PRPSAP1: variants seen among roughly 807,000 people sequenced by gnomAD.
The protein encoded by PRPSAP1 is phosphoribosyl pyrophosphate synthase-associated protein 1.
In PRPSAP1, 31 loss-of-function variants were observed where a neutral mutation model predicts 39.4. The observed-to-expected ratio is 0.79, with a 90% confidence interval of 0.59 to 1.06. The LOEUF (loss-of-function observed/expected upper bound fraction) is 1.06. PRPSAP1 is among the 50% of genes least tolerant of loss of function. PRPSAP1 has a pLI of 0.00. For missense variants in PRPSAP1, 430 were observed against 511.6 expected, an observed-to-expected ratio of 0.84 and a Z score of 1.54; for synonymous variants, 212 against 192.6, an observed-to-expected ratio of 1.10 and a Z score of -0.83.
At chr17:76,334,624 T>TA (rs1055190597) in intron 3 of PRPSAP1, among the ~76,000 whole-genome samples, 4 of 136,872 alleles carry the variant, frequency 2.9e-5, no homozygotes, top group South Asian at 2.4e-4. Flanking sequence ...ATTCTATGAT[T>TA]AAAAAAAACA....
rs1372153064 is a variant in PRPSAP1, at chr17:76,339,187, C to T, written c.290+5484G>A. Among the ~76,000 whole-genome samples the T allele has an allele frequency of 5.2e-3, 786 of 150,578 alleles. 14 individuals carry two copies. The highest frequency in any genetic ancestry group is 0.019 in the African/African-American group (753 of 39,984). On this transcript the variant is annotated intron_variant, in intron 3 of 9. Coordinates refer to ENST00000446526, the MANE Select transcript of PRPSAP1 (RefSeq NM_002766.3). The stretch of plus-strand genomic sequence containing the variant: ...TGGGAGGCCAAGGCGGGTGGATCAC[C>T]TGAGGTCAGGAGTTTGAGACCATTC...
intron 7 of PRPSAP1, 69 bp downstream of exon 7, chr17:76,328,642 ACAAAAC>A: frequency 2.0e-6 from 3 of 1,518,642 alleles, no homozygotes; most frequent in Non-Finnish European, 2.7e-6. Flanking sequence ...AACAACAACA[ACAAAAC>A]CAACAAAACC....
At chr17:76,323,716 G>GT (rs538514428) in intron 7 of PRPSAP1, among the ~76,000 whole-genome samples, 3,925 of 145,600 alleles carry the variant, frequency 0.027, 74 homozygotes, top group South Asian at 0.063. Flanking sequence ...AAGGTTTTTT[G>GT]TTTTTTTTTT....
At chr17:76,343,263 C>T (rs1296827670) in intron 3 of PRPSAP1, among the ~76,000 whole-genome samples, 1 of 152,184 alleles carries the variant, frequency 6.6e-6, no homozygotes, top group Non-Finnish European at 1.5e-5. Context: ...AGGAGATAGT[C>T]CCATAGAAGC....
At chr17:76,331,683 G>A in intron 4 of PRPSAP1, among the ~76,000 whole-genome samples, 1 of 152,086 alleles carries the variant, frequency 6.6e-6, no homozygotes, top group Non-Finnish European at 1.5e-5. Flanking sequence ...AGGACATTGA[G>A]GGAGGACCAT....
chr17:76,321,471 G>A (rs1598520953), intron 7 of PRPSAP1, among the ~76,000 whole-genome samples: 1 of 151,956 alleles, frequency 6.6e-6, no homozygotes, highest in South Asian at 2.1e-4. Context: ...GACCCGGGAG[G>A]CGGAGGTTGC....
rs1469266675 is a variant in PRPSAP1, at chr17:76,353,789, G to C, written c.-86C>G. ...GACTGCGAGACCCCGGTTTGGGTGG[G>C]GAAGGCGCTGAGAAACTCGGCGCAA... On this transcript the variant is annotated 5_prime_UTR_variant, in exon 1 of 10. Coordinates refer to ENST00000446526, the MANE Select transcript of PRPSAP1 (RefSeq NM_002766.3). 1 of 1,392,248 alleles carries C rather than the reference G, an allele frequency of 7.2e-7. No homozygotes were observed. The highest frequency in any genetic ancestry group is 1.5e-5 in the African/African-American group (1 of 65,282). The allele number at this position is 1,392,248 out of a possible 1,614,324, so 86.2% of individuals were successfully genotyped here.
chr17:76,322,926 A>G (rs985631278), intron 7 of PRPSAP1, among the ~76,000 whole-genome samples: 2 of 152,066 alleles, frequency 1.3e-5, no homozygotes, highest in African/African-American at 4.8e-5. Context: ...CCCAGGTGGT[A>G]GAGGCTGCAG....
intron 2 of PRPSAP1, among the ~76,000 whole-genome samples, chr17:76,346,875 G>A (rs1464426608): frequency 6.6e-6 from 1 of 151,936 alleles, no homozygotes; most frequent in Admixed American, 6.6e-5. Flanking sequence ...CAGCCCGGGC[G>A]ACATCCTTAT....
At chr17:76,324,088 A>G (rs2071226428) in intron 7 of PRPSAP1, among the ~76,000 whole-genome samples, 1 of 150,450 alleles carries the variant, frequency 6.6e-6, no homozygotes, top group Non-Finnish European at 1.5e-5. Context: ...AGTTGCAGGG[A>G]GCCGAGATGG....
chr17:76,321,666 T>C (rs1195254383), intron 7 of PRPSAP1, among the ~76,000 whole-genome samples: 1 of 152,178 alleles, frequency 6.6e-6, no homozygotes, highest in Non-Finnish European at 1.5e-5. Context: ...AACCCTACAA[T>C]GGCCTCTAAG....
At chr17:76,330,452 C>G in intron 5 of PRPSAP1, 99 bp downstream of exon 5, 2 of 859,920 alleles carry the variant, frequency 2.3e-6, no homozygotes, top group Non-Finnish European at 3.6e-6. Flanking sequence ...TAAGGGAGAG[C>G]TCATTTGATG....
intron 4 of PRPSAP1, 143 bp downstream of exon 4, chr17:76,332,120 G>T: frequency 1.1e-6 from 1 of 914,518 alleles, no homozygotes; most frequent in Non-Finnish European, 1.6e-6. Flanking sequence ...TTCTAACCGA[G>T]CTCACATATC....
intron 7 of PRPSAP1, among the ~76,000 whole-genome samples, chr17:76,318,593 A>T (rs953892070): frequency 6.6e-6 from 1 of 152,232 alleles, no homozygotes; most frequent in African/African-American, 2.4e-5. Context: ...CACACATTGG[A>T]TAACTGACAC....
chr17:76,352,513 C>T (rs2071586493), intron 1 of PRPSAP1, among the ~76,000 whole-genome samples: 1 of 151,790 alleles, frequency 6.6e-6, no homozygotes, highest in African/African-American at 2.4e-5. Flanking sequence ...GGTGTGGTGG[C>T]GGGTGCCTGT....
intron 2 of PRPSAP1, chr17:76,345,829 G>T: frequency 2.7e-6 from 1 of 373,390 alleles, no homozygotes; most frequent in South Asian, 2.2e-5. Context: ...GGCTGCTTTC[G>T]TTGCCACCAT....
intron 2 of PRPSAP1, chr17:76,345,919 C>T (rs2071496003): frequency 6.9e-6 from 3 of 432,198 alleles, no homozygotes; most frequent in Non-Finnish European, 1.4e-5. Context: ...ATCTGTGAGG[C>T]TGTCTGCTAA....
At chr17:76,322,458 T>C (rs1430046766) in intron 7 of PRPSAP1, among the ~76,000 whole-genome samples, 2 of 152,112 alleles carry the variant, frequency 1.3e-5, no homozygotes, top group African/African-American at 2.4e-5. Flanking sequence ...ACAAGGAGAT[T>C]AGTGATGTTT....
At chr17:76,318,145 G>A (rs2071144683) in intron 7 of PRPSAP1, among the ~76,000 whole-genome samples, 1 of 152,120 alleles carries the variant, frequency 6.6e-6, no homozygotes, top group African/African-American at 2.4e-5. Context: ...TGGGCAAGAA[G>A]TAGTGCTCTA....
Sources: gnomAD v4.1 joint callset for allele counts (sites outside exome capture counted in the v4.1 genomes callset) on GRCh38, gnomAD v4.1.1 for gene constraint, MANE v1.5 for transcripts, NCBI Gene and HGNC (gene_info 2026-07-23, HGNC 2026-07-21) for gene names.